TMEM238L: variants seen among roughly 807,000 people sequenced by gnomAD.
TMEM238L encodes transmembrane protein 238-like.
intron 1 of TMEM238L, among the ~76,000 whole-genome samples, chr17:10,803,242 C>T (rs1031250302): frequency 3.3e-5 from 5 of 152,126 alleles, no homozygotes; most frequent in Admixed American, 1.3e-4. Context: ...AGACTTTTCT[C>T]CCCAGCAGAG....
At chr17:10,803,012 T>C (rs546709533) in intron 1 of TMEM238L, among the ~76,000 whole-genome samples, 2 of 152,102 alleles carry the variant, frequency 1.3e-5, no homozygotes, top group South Asian at 4.1e-4. Flanking sequence ...GTGGGAATAC[T>C]GCAGAGAGAG....
At chr17:10,799,818 C>T (rs777808650) in intron 1 of TMEM238L, among the ~76,000 whole-genome samples, 3 of 152,282 alleles carry the variant, frequency 2.0e-5, no homozygotes, top group South Asian at 4.1e-4. Flanking sequence ...ATGTGTGTTA[C>T]GGGGTGGGTA....
intron 1 of TMEM238L, 41 bp downstream of exon 1, chr17:10,803,565 C>T: frequency 5.1e-6 from 2 of 394,654 alleles, no homozygotes; most frequent in Non-Finnish European, 8.9e-6. Flanking sequence ...TTGTCCAAGC[C>T]TCTCTGGCCA....
intron 1 of TMEM238L, among the ~76,000 whole-genome samples, chr17:10,796,556 C>T (rs1054780966): frequency 2.6e-5 from 4 of 152,174 alleles, no homozygotes; most frequent in Non-Finnish European, 5.9e-5. Context: ...TTCAGCCACC[C>T]GATAAGTAGC....
At chr17:10,801,329 C>T (rs1422998505) in intron 1 of TMEM238L, among the ~76,000 whole-genome samples, 1 of 152,168 alleles carries the variant, frequency 6.6e-6, no homozygotes, top group Non-Finnish European at 1.5e-5. Flanking sequence ...TGAGCCACAG[C>T]ACCCAGCCCT....
intron 1 of TMEM238L, among the ~76,000 whole-genome samples, chr17:10,802,875 C>T (rs889914298): frequency 3.3e-5 from 5 of 152,190 alleles, no homozygotes; most frequent in East Asian, 3.8e-4. Flanking sequence ...TGGTTGCACG[C>T]GATAGACTGA....
At chr17:10,801,065 T>C (rs539340248) in intron 1 of TMEM238L, among the ~76,000 whole-genome samples, 1 of 152,090 alleles carries the variant, frequency 6.6e-6, no homozygotes, top group African/African-American at 2.4e-5. Context: ...TTTTTTTTTT[T>C]TTTGAGACGG....
intron 1 of TMEM238L, among the ~76,000 whole-genome samples, chr17:10,799,631 C>T (rs1032874606): frequency 1.1e-4 from 16 of 152,196 alleles, no homozygotes; most frequent in African/African-American, 3.1e-4. Context: ...TTACAATCTG[C>T]CCGTAAATCG....
At chr17:10,795,720 T>A (rs1356433658) in exon 2 of TMEM238L, 2 of 152,218 alleles carry the variant, frequency 1.3e-5, no homozygotes, top group African/African-American at 2.4e-5. Flanking sequence ...AGGCCCTTCA[T>A]AAACAGCTGG....
At chr17:10,801,907 G>C (rs563134157) in intron 1 of TMEM238L, among the ~76,000 whole-genome samples, 1 of 152,046 alleles carries the variant, frequency 6.6e-6, no homozygotes, top group East Asian at 1.9e-4. Context: ...TCAACCTCCT[G>C]AATAGCTGGG....
At chr17:10,800,207 CAGGCGTGAGCCACCAGGCCTGGCCGGAAA>C (rs1904695575) in intron 1 of TMEM238L, among the ~76,000 whole-genome samples, 1 of 152,162 alleles carries the variant, frequency 6.6e-6, no homozygotes, top group East Asian at 1.9e-4. Flanking sequence ...GCTGGGATTA[CAGGCGTGAGCCACCAGGCCTGGCCGGAAA>C]CCACATCTTT....
intron 1 of TMEM238L, among the ~76,000 whole-genome samples, chr17:10,801,326 C>A (rs1439073104): frequency 6.6e-6 from 1 of 152,216 alleles, no homozygotes; most frequent in Non-Finnish European, 1.5e-5. Context: ...GTGTGAGCCA[C>A]AGCACCCAGC....
chr17:10,798,349 G>T (rs187403436), intron 1 of TMEM238L, among the ~76,000 whole-genome samples: 1 of 152,200 alleles, frequency 6.6e-6, no homozygotes, highest in African/African-American at 2.4e-5. Context: ...AAAATCCCTG[G>T]AGAGATTAGA....
At chr17:10,799,830 G>A (rs1298936985) in intron 1 of TMEM238L, among the ~76,000 whole-genome samples, 3 of 152,140 alleles carry the variant, frequency 2.0e-5, no homozygotes, top group Non-Finnish European at 4.4e-5. Context: ...GGGTGGGTAG[G>A]GCTGCTGGAC....
intron 1 of TMEM238L, chr17:10,798,023 C>T (rs1904615678): frequency 6.6e-6 from 1 of 152,164 alleles, no homozygotes; most frequent in Non-Finnish European, 1.5e-5. Flanking sequence ...ACTCCAACCC[C>T]CAGGCAAATG....
intron 1 of TMEM238L, among the ~76,000 whole-genome samples, chr17:10,797,192 A>G (rs1005513894): frequency 6.6e-6 from 1 of 151,322 alleles, no homozygotes; most frequent in African/African-American, 2.4e-5. Flanking sequence ...CTTAACCTCC[A>G]TACACCTTAT....
chr17:10,800,645 C>G (rs1462979593), intron 1 of TMEM238L, among the ~76,000 whole-genome samples: 1 of 152,162 alleles, frequency 6.6e-6, no homozygotes, highest in Non-Finnish European at 1.5e-5. Flanking sequence ...TATTAATCCA[C>G]CTAATCTGGG....
intron 1 of TMEM238L, among the ~76,000 whole-genome samples, chr17:10,798,965 G>A (rs1296669931): frequency 6.6e-6 from 1 of 152,042 alleles, no homozygotes; most frequent in Non-Finnish European, 1.5e-5. Context: ...AAAATCAAAC[G>A]GCAGCTTGTC....
At chr17:10,795,271 A>G (rs7211234) in exon 2 of TMEM238L, 49,237 of 152,126 alleles carry the variant, frequency 0.32, 8,498 homozygotes, top group African/African-American at 0.45. Context: ...AATGCACGGG[A>G]GATTTCAGTT....
Sources: allele counts gnomAD v4.1 joint callset (sites outside exome capture counted in the v4.1 genomes callset), GRCh38; gene constraint gnomAD v4.1.1; transcripts MANE v1.5; gene names NCBI Gene and HGNC (gene_info 2026-07-23, HGNC 2026-07-21).